The following STX5 variants were observed in gnomAD, a reference collection of about 807,000 sequenced individuals.
STX5 encodes the protein syntaxin 5.
STX5 carries 15 observed loss-of-function variants against 42.9 expected under a neutral mutation model. That is an observed-to-expected ratio of 0.35 (90% CI 0.23 to 0.54). The LOEUF (loss-of-function observed/expected upper bound fraction) is 0.54. STX5 is among the 20% of genes least tolerant of loss of function. The pLI is 0.91. For missense variants in STX5, 430 were observed against 455.0 expected (o/e 0.95, Z 0.50); for synonymous variants, 184 against 173.2 (o/e 1.06, Z -0.49).
At chr11:62,822,929 T>G (rs2084755485) in intron 10 of STX5, among the ~76,000 whole-genome samples, 1 of 152,112 alleles carries the variant, frequency 6.6e-6, no homozygotes, top group South Asian at 2.1e-4. Flanking sequence ...GGCCTCTGCC[T>G]ACATCCCTCC....
Position 62,827,627 on chromosome 11 carries a change from C to T in STX5, c.230G>A (p.Gly77Glu). 2 of 1,614,164 alleles carry T rather than the reference C, an allele frequency of 1.2e-6. No individual in the cohort carries two copies. Among genetic ancestry groups the T allele is most frequent in the Non-Finnish European group, 1.7e-6 (2 of 1,180,038 alleles). The change falls in exon 3 of 11, where the codon GGA becomes GAA. Residue 77 changes from glycine (G) to glutamate (E), a missense_variant. Transcript: ENST00000294179. ...CAAAGCTGGCTTATTTGTCTGGATT[C>T]CATTCTGAAAAGCAATGGCAGGAGG... ...ACKSLQTRQN[G>E]IQTNKPALRA...
intron 10 of STX5, among the ~76,000 whole-genome samples, chr11:62,813,093 C>CAAAA (rs371506460): frequency 6.2e-5 from 4 of 64,426 alleles, no homozygotes; most frequent in East Asian, 8.8e-4. Context: ...GACTCCGTCT[C>CAAAA]AAAAAAAAAA....
At chr11:62,820,817 C>T (rs1283217326) in intron 10 of STX5, among the ~76,000 whole-genome samples, 3 of 151,906 alleles carry the variant, frequency 2.0e-5, no homozygotes, top group African/African-American at 4.8e-5. Context: ...GCACTATTTT[C>T]TATTTTTCGT....
intron 1 of STX5, among the ~76,000 whole-genome samples, chr11:62,831,473 C>A (rs1344351924): frequency 1.3e-5 from 2 of 152,184 alleles, no homozygotes; most frequent in Non-Finnish European, 2.9e-5. Flanking sequence ...CTTCTTCCAA[C>A]TTGGCTCTGG....
intron 10 of STX5, 87 bp downstream of exon 10, chr11:62,824,079 G>T: frequency 6.3e-7 from 1 of 1,586,298 alleles, no homozygotes; most frequent in South Asian, 1.1e-5. Context: ...TCTTCCAAAA[G>T]GCATCAAGCA....
intron 2 of STX5, 91 bp from the exon 3 acceptor site, chr11:62,827,722 T>G: frequency 3.1e-4 from 400 of 1,280,900 alleles, no homozygotes; most frequent in Non-Finnish European, 4.1e-4. Context: ...AACCTATCTC[T>G]AGTGCTGGTG....
rs546139516 is a variant in STX5 at position 62,820,241 on chromosome 11, G to A, written c.908+3925C>T. On this transcript the variant is annotated intron_variant, in intron 10 of 10. Transcript: ENST00000294179. Reference sequence around the variant, plus strand: ...AAAAAAATTAGCCGGGCGTGGTGGCGGGAGCCTGTAGTACCAGCTACTCGG... The same window carrying A: ...AAAAAAATTAGCCGGGCGTGGTGGCAGGAGCCTGTAGTACCAGCTACTCGG... Among the ~76,000 whole-genome samples the A allele has an allele frequency of 9.3e-4, 141 of 151,348 alleles. 1 individual carries two copies. The highest frequency in any genetic ancestry group is 3.2e-3 in the African/African-American group (132 of 41,390).
chr11:62,830,877 T>C, intron 2 of STX5, 142 bp downstream of exon 2: 4 of 819,040 alleles, frequency 4.9e-6, no homozygotes, highest in Non-Finnish European at 8.2e-6. Flanking sequence ...CTGTTGCTTA[T>C]AGCAGACCCT....
In STX5 at chr11:62,831,095, G is replaced by C. The variant is rs1253808679; in HGVS notation, c.149C>G (p.Pro50Arg). 1.3e-6 allele frequency: 2 copies of C among 1,555,834 alleles called. No homozygotes were observed. Among genetic ancestry groups the C allele is most frequent in the Non-Finnish European group, 1.7e-6 (2 of 1,149,982 alleles). The change falls in exon 2 of 11, where the codon CCC becomes CGC. Residue 50 changes from proline (P) to arginine (R), a missense_variant. Transcript: ENST00000294179. ...PLPPPVTLVP[P>R]PPDTMSCRDR... is the part of the protein sequence containing the mutation. ...CCGGCAGGACATGGTGTCGGGAGGG[G>C]GAGGGACGAGGGTCACTGGGGGGGG...
intron 10 of STX5, among the ~76,000 whole-genome samples, chr11:62,820,084 G>A (rs1301227994): frequency 6.6e-6 from 1 of 151,498 alleles, no homozygotes; most frequent in African/African-American, 2.4e-5. Context: ...AATATGGGCA[G>A]AATCGGCCGG....
At chr11:62,819,857 C>T (rs1360815087) in intron 10 of STX5, among the ~76,000 whole-genome samples, 1 of 149,742 alleles carries the variant, frequency 6.7e-6, no homozygotes, top group Non-Finnish European at 1.5e-5. Flanking sequence ...CCATGCCCAG[C>T]TATTTTTTTT....
Position 62,827,245 on chromosome 11 carries a change from G to A in STX5, c.353-20C>T, listed in dbSNP as rs1198317908. On this transcript the variant is annotated intron_variant, in intron 4 of 10. Transcript: ENST00000294179. The stretch of plus-strand genomic sequence containing the variant: ...TTGCCACTACAGAGACAAACAAGAA[G>A]CCACAATGGGTGAGGTCAAGGACAA... 6.2e-7 allele frequency: 1 copy of A among 1,613,970 alleles called. No individual in the cohort carries two copies. Among genetic ancestry groups the A allele is most frequent in the East Asian group, 2.2e-5 (1 of 44,902 alleles).
Position 62,826,931 on chromosome 11 carries a change from GTC to G in STX5, c.423+222_423+223del, listed in dbSNP as rs751361549. ...CCAGGAATGAGGGCATGTCCCTGTA[GTC>G]TCTACCACTCAGGAGGCTCAGGCTG... On this transcript the variant is annotated intron_variant, in intron 5 of 10. Transcript: ENST00000294179. Among the ~76,000 whole-genome samples, 7 of 151,126 alleles carry G rather than the reference GTC, an allele frequency of 4.6e-5. No homozygotes were observed. The South Asian group carries it at 1.3e-3, about 27-fold the overall frequency.
chr11:62,816,287 T>A lies in STX5; in HGVS notation c.908+7879A>T, dbSNP rs545636655. Among the ~76,000 whole-genome samples, 24 of 152,314 alleles carry A rather than the reference T, an allele frequency of 1.6e-4. 1 individual carries two copies. In the South Asian group the frequency reaches 3.3e-3, roughly 21 times the overall value. On this transcript the variant is annotated intron_variant, in intron 10 of 10. Transcript: ENST00000294179. ...ACTGGTAAACTTAAAATTTTTATTT[T>A]AAAAAATTTTTTAGAGATACGGTCT...
In STX5 at chr11:62,820,065, G is replaced by A. The variant is rs566737218; in HGVS notation, c.908+4101C>T. Reference sequence around the variant, plus strand: ...GGAGTTTAGGAGACAGGTCTGGGACGGAGATTAAAATATGGGCAGAATCGG... The same window carrying A: ...GGAGTTTAGGAGACAGGTCTGGGACAGAGATTAAAATATGGGCAGAATCGG... On this transcript the variant is annotated intron_variant, in intron 10 of 10. Transcript: ENST00000294179. 4.0e-5 allele frequency among the ~76,000 whole-genome samples: 6 copies of A among 151,542 alleles called. No homozygotes were observed. In the East Asian group the frequency reaches 5.9e-4, roughly 15 times the overall value.
intron 10 of STX5, among the ~76,000 whole-genome samples, chr11:62,812,441 T>G (rs1056060167): frequency 6.6e-6 from 1 of 151,720 alleles, no homozygotes; most frequent in African/African-American, 2.4e-5. Context: ...AAACGGTGTC[T>G]CACTCTGTTG....
At chr11:62,821,070 G>A (rs1406354954) in intron 10 of STX5, among the ~76,000 whole-genome samples, 1 of 151,954 alleles carries the variant, frequency 6.6e-6, no homozygotes, top group Non-Finnish European at 1.5e-5. Context: ...AGCACCCTGG[G>A]AGGCCGAGGC....
At chr11:62,826,966 G>A (rs930932513) in intron 5 of STX5, among the ~76,000 whole-genome samples, 189 bp downstream of exon 5, 8 of 151,808 alleles carry the variant, frequency 5.3e-5, no homozygotes, top group Non-Finnish European at 1.0e-4. Context: ...CTGGAGGAAA[G>A]CTTGAGGCCA....
chr11:62,812,657 C>T (rs897814788), intron 10 of STX5, among the ~76,000 whole-genome samples: 19 of 151,142 alleles, frequency 1.3e-4, no homozygotes, highest in African/African-American at 3.9e-4. Context: ...CTCCTGACCT[C>T]GTGATTCGCC....
Sources: gnomAD v4.1 joint callset for allele counts (sites outside exome capture counted in the v4.1 genomes callset) on GRCh38, gnomAD v4.1.1 for gene constraint, MANE v1.5 for transcripts, NCBI Gene and HGNC (gene_info 2026-07-23, HGNC 2026-07-21) for gene names.